The following SAMD5 variants were observed in gnomAD, a reference collection of about 807,000 sequenced individuals.
SAMD5 encodes sterile alpha motif domain-containing protein 5.
A neutral mutation model predicts 11.3 loss-of-function variants in SAMD5; 13 were observed. The ratio of observed to expected loss-of-function variants is 1.15; its 90% confidence interval spans 0.75 to 1.83. The LOEUF (loss-of-function observed/expected upper bound fraction) is 1.83. SAMD5 is among the 40% of genes most tolerant of loss of function. The pLI, the probability that SAMD5 is intolerant of heterozygous loss-of-function variation, is 0.00. For missense variants in SAMD5, 255 were observed against 239.1 expected (o/e 1.07, Z -0.44); for synonymous variants, 129 against 111.3 (o/e 1.16, Z -1.00).
intron 1 of SAMD5, among the ~76,000 whole-genome samples, chr6:147,554,218 G>A (rs1183582102): frequency 6.6e-6 from 1 of 152,092 alleles, no homozygotes; most frequent in Admixed American, 6.6e-5. Flanking sequence ...ACAGTACGGG[G>A]GTAACCACCT....
chr6:147,620,355 A>G (rs1332595684), intron 1 of SAMD5, among the ~76,000 whole-genome samples: 1 of 152,158 alleles, frequency 6.6e-6, no homozygotes, highest in East Asian at 1.9e-4. Context: ...TTACCCAGCC[A>G]GCTTTGATCA....
At chr6:147,876,639 T>G in the SAMD5 span, among the ~76,000 whole-genome samples, 5 of 152,346 alleles carry the variant, frequency 3.3e-5, no homozygotes, top group African/African-American at 1.2e-4. Context: ...TTATGATACA[T>G]TGTCAGAGGA....
the SAMD5 span, among the ~76,000 whole-genome samples, chr6:147,786,794 G>A: frequency 2.6e-5 from 4 of 152,190 alleles, no homozygotes; most frequent in African/African-American, 9.7e-5. Context: ...TCCAAAGCAA[G>A]AGGTGTGGGT....
the SAMD5 span, among the ~76,000 whole-genome samples, chr6:147,799,777 C>CT: frequency 6.6e-6 from 1 of 151,964 alleles, no homozygotes; most frequent in Non-Finnish European, 1.5e-5. Context: ...TCTTTTTATT[C>CT]TTTTTTCCCT....
intron 1 of SAMD5, among the ~76,000 whole-genome samples, chr6:147,534,279 A>G (rs1315496810): frequency 1.3e-5 from 2 of 152,134 alleles, no homozygotes; most frequent in African/African-American, 4.8e-5. Context: ...TCACGGGCGA[A>G]AGGACTGTGT....
intron 1 of SAMD5, among the ~76,000 whole-genome samples, chr6:147,596,184 T>C (rs1396634639): frequency 3.9e-5 from 6 of 152,176 alleles, no homozygotes; most frequent in Non-Finnish European, 7.3e-5. Context: ...ATGTGCTTTC[T>C]CCTCTTTGCC....
the SAMD5 span, among the ~76,000 whole-genome samples, chr6:147,745,040 A>G: frequency 6.6e-6 from 1 of 152,200 alleles, no homozygotes; most frequent in African/African-American, 2.4e-5. Flanking sequence ...TCAATTGTAT[A>G]TTTGATAATA....
chr6:147,566,101 G>A lies in SAMD5; in HGVS notation c.*1645G>A, dbSNP rs1789036345. ...CTAAGGACAATTTTAACACAATACT[G>A]CTTTAAAAATCTGAAGTTTAAATAG... On this transcript the variant is annotated 3_prime_UTR_variant, in exon 2 of 2. Transcript: ENST00000367474. The A allele has an allele frequency of 8.1e-6, 8 of 982,600 alleles. No individual in the cohort carries two copies. Among genetic ancestry groups the A allele is most frequent in the Admixed American group, 6.2e-5 (1 of 16,260 alleles). The allele number at this position is 982,600 out of a possible 1,614,324, so 60.9% of individuals were successfully genotyped here.
At chr6:147,803,079 T>C in the SAMD5 span, among the ~76,000 whole-genome samples, 17 of 152,032 alleles carry the variant, frequency 1.1e-4, no homozygotes, top group African/African-American at 3.9e-4. Context: ...AATGGACATA[T>C]ACTAAATACT....
At chr6:147,842,139 G>A in the SAMD5 span, among the ~76,000 whole-genome samples, 3 of 151,460 alleles carry the variant, frequency 2.0e-5, no homozygotes, top group Admixed American at 6.6e-5. Context: ...CTATTAAATG[G>A]TTAAAAAAAC....
At chr6:147,940,317 T>C in the SAMD5 span, among the ~76,000 whole-genome samples, 1 of 150,964 alleles carries the variant, frequency 6.6e-6, no homozygotes. Context: ...TATAACATAA[T>C]GTAGTTTAGG....
chr6:147,894,312 C>T, the SAMD5 span, among the ~76,000 whole-genome samples: 1,922 of 152,016 alleles, frequency 0.013, 39 homozygotes, highest in African/African-American at 0.044. Context: ...TTAGTAGAGA[C>T]GGGGTTTTAC....
At chr6:147,765,216 T>G in the SAMD5 span, among the ~76,000 whole-genome samples, 3 of 152,186 alleles carry the variant, frequency 2.0e-5, no homozygotes, top group Non-Finnish European at 2.9e-5. Flanking sequence ...TGTCTTTTTT[T>G]TGTGTTTTCA....
chr6:147,564,447 G>C lies in SAMD5; in HGVS notation c.513G>C (p.Gln171His), dbSNP rs926655429. 4 of 782,112 alleles carry C rather than the reference G, an allele frequency of 5.1e-6. No homozygotes were observed. The highest frequency in any genetic ancestry group is 3.4e-5 in the Admixed American group (2 of 59,008). The allele number at this position is 782,112 out of a possible 1,614,324, so 48.4% of individuals were successfully genotyped here. A position where few individuals can be genotyped will look rare whatever the true frequency, so the allele number is the denominator to read the frequency against. Residue 171 changes from glutamine to histidine, a missense_variant, in exon 2 of 2, where the codon CAG becomes CAC. Coordinates refer to ENST00000367474, the MANE Select transcript of SAMD5 (RefSeq NM_001030060.3). ...TAATGAATTGGCCGAAGTCATCACA[G>C]AGCCGCTAGATATCATTTTTGAGAC... The part of the protein sequence containing the change: ...EYLMNWPKSS[Q>H]SR
chr6:147,924,951 G>A, the SAMD5 span, among the ~76,000 whole-genome samples: 1 of 152,082 alleles, frequency 6.6e-6, no homozygotes, highest in Non-Finnish European at 1.5e-5. Flanking sequence ...TAACCATTAA[G>A]AGAGGCTAAG....
intron 1 of SAMD5, among the ~76,000 whole-genome samples, chr6:147,626,642 C>T (rs1476766116): frequency 6.6e-6 from 1 of 150,990 alleles, no homozygotes; most frequent in Non-Finnish European, 1.5e-5. Context: ...TAAAAAGAAC[C>T]AATGCCTTAA....
chr6:147,624,679 G>C (rs1443966582), intron 1 of SAMD5, among the ~76,000 whole-genome samples: 5 of 152,050 alleles, frequency 3.3e-5, no homozygotes, highest in African/African-American at 1.2e-4. Context: ...ATTGTGAATT[G>C]TGCTGCTATA....
At chr6:147,620,253 C>A (rs1375821018) in intron 1 of SAMD5, among the ~76,000 whole-genome samples, 1 of 152,146 alleles carries the variant, frequency 6.6e-6, no homozygotes, top group Non-Finnish European at 1.5e-5. Flanking sequence ...CGCCCTTGCT[C>A]ATTTTCTTCT....
Position 147,664,796 on chromosome 6 carries a change from C to T in SAMD5, c.163-72521C>T, listed in dbSNP as rs150498482. On this transcript the variant is annotated intron_variant, in intron 1 of 1. Coordinates refer to the SAMD5 transcript ENST00000566741. ...TCTAGGTTTTTGGAGTTTTTTGCAACTAGAAAAAAAAATTCTAAAACATAC... is the reference window on the plus strand; with the variant it reads ...TCTAGGTTTTTGGAGTTTTTTGCAATTAGAAAAAAAAATTCTAAAACATAC... Among the ~76,000 whole-genome samples, 1,209 of 151,898 alleles carry T rather than the reference C, an allele frequency of 8.0e-3. 54 individuals carry two copies. The highest frequency in any genetic ancestry group is 0.064 in the Admixed American group (974 of 15,274).
Sources: gnomAD v4.1 joint callset for allele counts (sites outside exome capture counted in the v4.1 genomes callset) on GRCh38, gnomAD v4.1.1 for gene constraint, MANE v1.5 for transcripts, NCBI Gene and HGNC (gene_info 2026-07-23, HGNC 2026-07-21) for gene names.